CALY: variants seen among roughly 807,000 people sequenced by gnomAD.
CALY encodes calcyon neuron specific vesicular protein.
A neutral mutation model predicts 20.2 loss-of-function variants in CALY; 15 were observed. The ratio of observed to expected loss-of-function variants is 0.74; its 90% CI spans 0.50 to 1.14. The LOEUF is 1.14. Among genes scored for constraint, CALY ranks in the 50% most tolerant of loss-of-function variants. The pLI, the probability that CALY is intolerant of heterozygous loss-of-function variation, is 0.00. For synonymous variants in CALY, 129 were observed against 131.8 expected (o/e 0.98, Z 0.15); for missense variants, 270 against 304.4 (o/e 0.89, Z 0.84).
chr10:133,324,616 AGAGCTG>A lies in CALY; in HGVS notation c.*973_*978del, dbSNP rs2136165558. 1 of 139,556 alleles carries A rather than the reference AGAGCTG, an allele frequency of 7.2e-6. No individual in the cohort carries two copies. The highest frequency in any genetic ancestry group is 6.5e-5 in the South Asian group (1 of 15,492). 8.6% of individuals were successfully genotyped at this position (139,556 alleles called of 1,614,324 possible). ...TGCTGGCTGGGGTGGGCGGGGCTGC[AGAGCTG>A]CTGCTGGCTGGGGTGGGCGGGGCTG... On this transcript the variant is annotated 3_prime_UTR_variant, in exon 6 of 6. Coordinates refer to ENST00000252939, the MANE Select transcript of CALY (RefSeq NM_015722.4).
chr10:133,324,273 T>C lies in CALY; in HGVS notation c.*1322A>G, dbSNP rs1848167474. On this transcript the variant is annotated 3_prime_UTR_variant, in exon 6 of 6. Coordinates refer to ENST00000252939, the MANE Select transcript of CALY (RefSeq NM_015722.4). Reference sequence around the variant, plus strand: ...GGGTGTGGTGTGCATGGCCCTGCCTTCCCTGACCCCACCTGGCTGGCTTCC... The same window carrying C: ...GGGTGTGGTGTGCATGGCCCTGCCTCCCCTGACCCCACCTGGCTGGCTTCC... The C allele has an allele frequency of 2.2e-6, 1 of 451,192 alleles. No individual in the cohort carries two copies. Among genetic ancestry groups the C allele is most frequent in the South Asian group, 1.6e-5 (1 of 64,108 alleles). The allele number at this position is 451,192 out of a possible 1,614,324, so 27.9% of individuals were successfully genotyped here.
chr10:133,325,463 A>T lies in CALY; in HGVS notation c.*132T>A, dbSNP rs1188927969. 5.5e-6 allele frequency: 1 copy of T among 181,720 alleles called. No homozygotes were observed. Among genetic ancestry groups the T allele is most frequent in the Non-Finnish European group, 1.1e-5 (1 of 87,886 alleles). The allele number at this position is 181,720 out of a possible 1,614,324, so 11.3% of individuals were successfully genotyped here. Reference sequence around the variant, plus strand: ...ATCTTTACTTAGAGAAAAGCGACAGAGTCAGAGACCCACGGGGGCGGGGCT... The same window carrying T: ...ATCTTTACTTAGAGAAAAGCGACAGTGTCAGAGACCCACGGGGGCGGGGCT... On this transcript the variant is annotated 3_prime_UTR_variant, in exon 6 of 6. Transcript: ENST00000252939.
At chr10:133,332,256 A>G (rs1848322027) in intron 1 of CALY, among the ~76,000 whole-genome samples, 1 of 152,234 alleles carries the variant, frequency 6.6e-6, no homozygotes, top group African/African-American at 2.4e-5. Flanking sequence ...CACTTTGCAC[A>G]CACAGACCCT....
At chr10:133,334,986 C>A (rs560281073) in intron 1 of CALY, among the ~76,000 whole-genome samples, 6 of 152,270 alleles carry the variant, frequency 3.9e-5, no homozygotes, top group African/African-American at 1.4e-4. Flanking sequence ...GGGCACTCGG[C>A]GGGCGAGGTT....
intron 1 of CALY, among the ~76,000 whole-genome samples, chr10:133,334,097 T>C (rs1475756658): frequency 9.8e-6 from 1 of 102,564 alleles, no homozygotes; most frequent in African/African-American, 4.2e-5. Flanking sequence ...GGGGGAAGGA[T>C]CTGAGGGGCG....
At chr10:133,330,677 A>G (rs2133380342) in intron 1 of CALY, among the ~76,000 whole-genome samples, 1 of 137,112 alleles carries the variant, frequency 7.3e-6, no homozygotes, top group Admixed American at 7.5e-5. Flanking sequence ...AAAAAAAGGA[A>G]TCTGTCATTA....
chr10:133,327,327 G>A (rs1386281805), intron 3 of CALY: 6 of 496,016 alleles, frequency 1.2e-5, no homozygotes, highest in South Asian at 2.7e-5. Flanking sequence ...GCAGCCTCAG[G>A]GGAGTCGGAG....
At chr10:133,327,679 A>G (rs1257396498) in intron 3 of CALY, 2 of 634,414 alleles carry the variant, frequency 3.2e-6, no homozygotes, top group Admixed American at 2.7e-5. Context: ...ACATCTCAGG[A>G]GCGCCACTGT....
chr10:133,328,806 G>A (rs1459272395), intron 2 of CALY, 49 bp downstream of exon 2: 1 of 1,508,392 alleles, frequency 6.6e-7, no homozygotes, highest in Admixed American at 2.1e-5. Context: ...ACACCCCTTT[G>A]TTCCCAGGGG....
At chr10:133,327,335 G>C in intron 3 of CALY, 1 of 494,646 alleles carries the variant, frequency 2.0e-6, no homozygotes, top group Admixed American at 3.5e-5. Flanking sequence ...AGGGGAGTCG[G>C]AGGCTGCACT....
rs745848908 is a variant in CALY at position 133,326,134 on chromosome 10, C to A, written c.361-14G>T. On this transcript the variant is annotated splice_polypyrimidine_tract_variant and intron_variant, in intron 4 of 5. Transcript: ENST00000252939. ...GCAGATCTTGTGCTGCGGGAGGGGC[C>A]GGGTCAGGGTCGGTGGGGCTGAGCC... is the stretch of plus-strand genomic sequence containing the variant. 1.9e-6 allele frequency: 3 copies of A among 1,591,306 alleles called. No individual in the cohort carries two copies. In the East Asian group the frequency reaches 6.8e-5, roughly 36 times the overall value.
intron 5 of CALY, 48 bp downstream of exon 5, chr10:133,325,751 G>T: frequency 1.1e-6 from 1 of 881,050 alleles, no homozygotes; most frequent in East Asian, 3.9e-5. Flanking sequence ...CGGGAGGCCA[G>T]GAAGAGACCT....
intron 2 of CALY, 80 bp downstream of exon 2, chr10:133,328,775 T>A: frequency 2.1e-6 from 3 of 1,397,936 alleles, no homozygotes; most frequent in Non-Finnish European, 2.8e-6. Context: ...GAAGAGGCCA[T>A]ATCTAGACAA....
chr10:133,327,523 T>C (rs1331312807), intron 3 of CALY: 3 of 573,252 alleles, frequency 5.2e-6, no homozygotes, highest in Admixed American at 6.4e-5. Flanking sequence ...TTGACAGATT[T>C]AAACAAGAGG....
chr10:133,328,829 G>T (rs1401941890), intron 2 of CALY, 26 bp downstream of exon 2: 1 of 1,532,558 alleles, frequency 6.5e-7, no homozygotes, highest in African/African-American at 1.4e-5. Context: ...CCTGAGAAGG[G>T]CCCCCACGCT....
At chr10:133,327,302 C>T (rs1243785897) in intron 3 of CALY, 1 of 498,776 alleles carries the variant, frequency 2.0e-6, no homozygotes, top group Non-Finnish European at 3.6e-6. Flanking sequence ...GTGTGGGCTC[C>T]CAGGGGATGG....
chr10:133,326,696 C>T (rs891080907), intron 4 of CALY, among the ~76,000 whole-genome samples, 182 bp downstream of exon 4: 4 of 152,192 alleles, frequency 2.6e-5, no homozygotes, highest in African/African-American at 4.8e-5. Flanking sequence ...AAACCCATCA[C>T]TAACTCATCT....
At chr10:133,327,088 C>A (rs1848227216) in intron 3 of CALY, 97 bp from the exon 4 acceptor site, 5 of 830,310 alleles carry the variant, frequency 6.0e-6, no homozygotes, top group Non-Finnish European at 1.0e-5. Flanking sequence ...CCATCCCCGC[C>A]CTCCAGTCTT....
intron 5 of CALY, 92 bp downstream of exon 5, chr10:133,325,707 A>C: frequency 1.1e-5 from 6 of 528,012 alleles, no homozygotes; most frequent in African/African-American, 2.0e-5. Flanking sequence ...GAGGAAGGGA[A>C]GGGTGGCGGG....
Sources: allele counts gnomAD v4.1 joint callset (sites outside exome capture counted in the v4.1 genomes callset), GRCh38; gene constraint gnomAD v4.1.1; transcripts MANE v1.5; gene names NCBI Gene and HGNC (gene_info 2026-07-23, HGNC 2026-07-21).